The following SERPING1 variants were observed in gnomAD, a reference collection of about 807,000 sequenced individuals.
SERPING1 encodes serpin family G member 1.
A neutral mutation model predicts 34.1 loss-of-function variants in SERPING1; 5 were observed. The ratio of observed to expected loss-of-function variants is 0.15; its 90% confidence interval spans 0.08 to 0.31. The LOEUF is 0.31. SERPING1 is among the 10% of genes least tolerant of loss of function. The pLI is 1.00. For synonymous variants in SERPING1, 225 were observed against 242.4 expected, an observed-to-expected ratio of 0.93 and a Z score of 0.67; for missense variants, 505 against 609.5, an observed-to-expected ratio of 0.83 and a Z score of 1.81.
chr11:57,598,225 C>T, intron 1 of SERPING1, 24 bp from the exon 2 acceptor site: 1 of 1,534,360 alleles, frequency 6.5e-7, no homozygotes, highest in Non-Finnish European at 8.8e-7. Flanking sequence ...TGGGAGCTGG[C>T]TCCGAGGCTG....
At position 57,614,680 on chromosome 11, in the gene SERPING1, C is replaced by A; in HGVS notation, c.*99C>A. The A allele has an allele frequency of 2.1e-6, 3 of 1,422,284 alleles. No homozygotes were observed. Among genetic ancestry groups the A allele is most frequent in the Non-Finnish European group, 1.9e-6 (2 of 1,045,756 alleles). The allele number at this position is 1,422,284 out of a possible 1,614,324, so 88.1% of individuals were successfully genotyped here. On this transcript the variant is annotated 3_prime_UTR_variant, in exon 8 of 8. Coordinates refer to ENST00000278407, the MANE Select transcript of SERPING1 (RefSeq NM_000062.3). ...GCCTGGACTTGGCCCCTGCCACCTC[C>A]TGCCTCAGGTGTCCGCTATCCACCA...
intron 4 of SERPING1, 28 bp from the exon 5 acceptor site, chr11:57,605,982 A>G: frequency 1.2e-6 from 2 of 1,602,638 alleles, no homozygotes; most frequent in Non-Finnish European, 1.7e-6. Flanking sequence ...TTCAGGACTC[A>G]TGCCTCCCTT....
intron 4 of SERPING1, 78 bp from the exon 5 acceptor site, chr11:57,605,932 A>T (rs1945403792): frequency 7.7e-7 from 1 of 1,292,392 alleles, no homozygotes; most frequent in Non-Finnish European, 1.1e-6. Context: ...CATAGAAAGC[A>T]TGCTCACTCT....
Position 57,600,115 on chromosome 11 carries a change from C to T in SERPING1, c.288C>T (p.Thr96=). ...PTTQPTTEPT[T]QPTIQPTQPT... ...CACAACCCACCACAGAGCCCACCAC[C>T]CAACCCACCATCCAACCCACCCAAC... Residue 96 remains threonine (T), a synonymous_variant, in exon 3 of 8, where the codon ACC becomes ACT. Transcript: ENST00000278407. 1 of 1,613,366 alleles carries T rather than the reference C, an allele frequency of 6.2e-7. No homozygotes were observed. Among genetic ancestry groups the T allele is most frequent in the African/African-American group, 1.3e-5 (1 of 74,906 alleles).
intron 6 of SERPING1, among the ~76,000 whole-genome samples, chr11:57,608,394 G>C (rs1045127015): frequency 1.3e-5 from 2 of 152,144 alleles, no homozygotes; most frequent in Non-Finnish European, 2.9e-5. Flanking sequence ...ATTGAGGTGA[G>C]GTGATAGGTT....
chr11:57,599,203 A>G (rs1215454568), intron 2 of SERPING1, among the ~76,000 whole-genome samples: 1 of 152,132 alleles, frequency 6.6e-6, no homozygotes, highest in Admixed American at 6.5e-5. Context: ...GATGTTTTGC[A>G]GTATATCTCT....
chr11:57,599,976 T>A lies in SERPING1; in HGVS notation c.149T>A (p.Ile50Asn). 6.2e-7 allele frequency: 1 copy of A among 1,614,180 alleles called. No homozygotes were observed. The highest frequency in any genetic ancestry group is 8.5e-7 in the Non-Finnish European group (1 of 1,180,042). Residue 50 changes from isoleucine (I) to asparagine (N), a missense_variant, in exon 3 of 8, where the codon ATC becomes AAC. Ile to Asn is a moderately radical substitution (Grantham distance 149, BLOSUM62 -3). Coordinates refer to ENST00000278407, the MANE Select transcript of SERPING1 (RefSeq NM_000062.3). ...RGEGKVATTV[I>N]SKMLFVEPIL... is the part of the protein sequence containing the mutation. ...GAAGGGAAGGTCGCAACAACAGTTA[T>A]CTCCAAGATGCTATTCGTTGAACCC...
Position 57,614,482 on chromosome 11 carries a change from G to C in SERPING1, c.1404G>C (p.Leu468=), listed in dbSNP as rs138394087. Residue 468 remains leucine, a synonymous_variant, in exon 8 of 8, where the codon CTG becomes CTC. Transcript: ENST00000278407. The stretch of plus-strand genomic sequence containing the variant: ...CCGCCATCTCTGTGGCCCGCACCCT[G>C]CTGGTCTTTGAAGTGCAGCAGCCCT... ...AASAISVART[L]LVFEVQQPFL... 2.1e-5 allele frequency: 34 copies of C among 1,613,990 alleles called. No individual in the cohort carries two copies. The highest frequency in any genetic ancestry group is 2.7e-5 in the Non-Finnish European group (32 of 1,180,034).
At chr11:57,604,390 T>C (rs1945385248) in intron 4 of SERPING1, among the ~76,000 whole-genome samples, 1 of 152,118 alleles carries the variant, frequency 6.6e-6, no homozygotes, top group African/African-American at 2.4e-5. Flanking sequence ...GTTTTCAGAC[T>C]TTGTTCCTCG....
rs1425976236 is a variant in SERPING1 at position 57,614,395 on chromosome 11, T to C, written c.1317T>C (p.Ser439=). 3.1e-6 allele frequency: 5 copies of C among 1,614,188 alleles called. No individual in the cohort carries two copies. Among genetic ancestry groups the C allele is most frequent in the Non-Finnish European group, 4.2e-6 (5 of 1,180,040 alleles). Residue 439 remains serine, a synonymous_variant, in exon 8 of 8, where the codon TCT becomes TCC. Coordinates refer to ENST00000278407, the MANE Select transcript of SERPING1 (RefSeq NM_000062.3). ...CAGAGGACCCAGATCTTCAGGTTTCTGCGATGCAGCACCAGACAGTGCTGG... is the reference window on the plus strand; with the variant it reads ...CAGAGGACCCAGATCTTCAGGTTTCCGCGATGCAGCACCAGACAGTGCTGG... The part of the protein sequence containing the change: ...GLTEDPDLQV[S]AMQHQTVLEL...
At chr11:57,608,832 T>A (rs77663734) in intron 6 of SERPING1, among the ~76,000 whole-genome samples, 1 of 151,660 alleles carries the variant, frequency 6.6e-6, no homozygotes, top group Non-Finnish European at 1.5e-5. Context: ...TTTTTTTTTT[T>A]AAGCCAAAGG....
At chr11:57,610,386 T>C (rs1945464902) in intron 6 of SERPING1, among the ~76,000 whole-genome samples, 1 of 152,182 alleles carries the variant, frequency 6.6e-6, no homozygotes, top group Non-Finnish European at 1.5e-5. Flanking sequence ...GATTCAAGGT[T>C]CATACATAGG....
Position 57,606,565 on chromosome 11 carries a change from C to G in SERPING1, c.1029+18C>G. On this transcript the variant is annotated intron_variant, in intron 6 of 7. Transcript: ENST00000278407. ...AAGCCAAGGTAAGTTCTTAACCTTTCCTTCTCCTGTTTGAAACCTACTTGA... is the reference window on the plus strand; with the variant it reads ...AAGCCAAGGTAAGTTCTTAACCTTTGCTTCTCCTGTTTGAAACCTACTTGA... 1 of 1,613,818 alleles carries G rather than the reference C, an allele frequency of 6.2e-7. No individual in the cohort carries two copies. Among genetic ancestry groups the G allele is most frequent in the Non-Finnish European group, 8.5e-7 (1 of 1,179,978 alleles).
chr11:57,610,480 C>A (rs779754430), intron 6 of SERPING1, among the ~76,000 whole-genome samples: 3 of 152,188 alleles, frequency 2.0e-5, no homozygotes, highest in Non-Finnish European at 4.4e-5. Context: ...TCTTTTCAGT[C>A]GAAATTGGCT....
chr11:57,597,977 C>T (rs1945306211), intron 1 of SERPING1: 1 of 497,218 alleles, frequency 2.0e-6, no homozygotes, highest in Admixed American at 3.4e-5. Context: ...GGACCCCCTC[C>T]CCCTCCCACC....
At chr11:57,601,317 C>T (rs570636663) in intron 3 of SERPING1, among the ~76,000 whole-genome samples, 2 of 151,456 alleles carry the variant, frequency 1.3e-5, no homozygotes, top group Non-Finnish European at 2.9e-5. Flanking sequence ...AGGAGAATCA[C>T]TTGAACACGG....
At chr11:57,613,755 C>T (rs1372911014) in intron 7 of SERPING1, among the ~76,000 whole-genome samples, 1 of 152,156 alleles carries the variant, frequency 6.6e-6, no homozygotes, top group Admixed American at 6.6e-5. Flanking sequence ...GAGAGAGGGG[C>T]TGAAAGTTCC....
At chr11:57,606,587 T>C (rs1945412850) in intron 6 of SERPING1, 40 bp downstream of exon 6, 13 of 1,611,802 alleles carry the variant, frequency 8.1e-6, no homozygotes, top group Middle Eastern at 1.6e-4. Context: ...TGAAACCTAC[T>C]TGAGTCTCCT....
Position 57,614,531 on chromosome 11 carries a change from C to G in SERPING1, c.1453C>G (p.Gln485Glu), listed in dbSNP as rs143997164. 1.6e-5 allele frequency: 26 copies of G among 1,613,956 alleles called. No homozygotes were observed. In the African/African-American group the frequency reaches 2.7e-4, roughly 17 times the overall value. ...CTTCCTCTTCGTGCTCTGGGACCAG[C>G]AGCACAAGTTCCCTGTCTTCATGGG... ...QPFLFVLWDQ[Q>E]HKFPVFMGRV... Residue 485 changes from glutamine to glutamate, a missense_variant, in exon 8 of 8, where the codon CAG becomes GAG. Coordinates refer to ENST00000278407, the MANE Select transcript of SERPING1 (RefSeq NM_000062.3).
Sources: gnomAD v4.1 joint callset for allele counts (sites outside exome capture counted in the v4.1 genomes callset) on GRCh38, gnomAD v4.1.1 for gene constraint, MANE v1.5 for transcripts, NCBI Gene and HGNC (gene_info 2026-07-23, HGNC 2026-07-21) for gene names.